TMEM182: variants seen among roughly 807,000 people sequenced by gnomAD.
The protein encoded by TMEM182 is transmembrane protein 182.
Under a neutral mutation model 26.8 loss-of-function variants are expected in TMEM182, and 20 were observed. That is an observed-to-expected ratio of 0.75 (90% CI 0.53 to 1.09). The LOEUF (loss-of-function observed/expected upper bound fraction) is 1.09, where lower values mean the gene tolerates loss of function less well. TMEM182 is among the 50% of genes least tolerant of loss of function. The probability of loss-of-function intolerance (pLI) is 0.00; values close to 1 mark genes in which losing one functional copy is unlikely to be tolerated. For missense variants in TMEM182, 277 were observed against 275.5 expected (o/e 1.01, Z -0.04); for synonymous variants, 109 against 102.2 (o/e 1.07, Z -0.40).
rs777062498 is a variant in TMEM182, at chr2:102,815,872, C to G, written c.*904C>G. 6 of 920,888 alleles carry G rather than the reference C, an allele frequency of 6.5e-6. No individual in the cohort carries two copies. The highest frequency in any genetic ancestry group is 7.8e-6 in the Non-Finnish European group (6 of 771,656). The allele number at this position is 920,888 out of a possible 1,614,324, so 57.0% of individuals were successfully genotyped here. The stretch of plus-strand genomic sequence containing the variant: ...GATTTTAATATTTTTTAGATATAAA[C>G]TTTCAACGTACTTCCATATGAGGAT... On this transcript the variant is annotated 3_prime_UTR_variant, in exon 5 of 5. Coordinates refer to ENST00000412401, the MANE Select transcript of TMEM182 (RefSeq NM_144632.5).
intron 1 of TMEM182, among the ~76,000 whole-genome samples, chr2:102,744,277 G>T (rs1679623796): frequency 6.6e-6 from 1 of 152,066 alleles, no homozygotes; most frequent in South Asian, 2.1e-4. Flanking sequence ...CAAATATCTG[G>T]ATATTAAACA....
At chr2:102,831,587 T>C (rs1449451587) in intron 3 of TMEM182, among the ~76,000 whole-genome samples, 1 of 151,930 alleles carries the variant, frequency 6.6e-6, no homozygotes, top group Non-Finnish European at 1.5e-5. Flanking sequence ...TGAAACCCAG[T>C]CTCTACTAAA....
upstream of TMEM182, among the ~76,000 whole-genome samples, chr2:102,758,936 C>T (rs150347439): frequency 1.3e-5 from 2 of 152,276 alleles, no homozygotes; most frequent in Non-Finnish European, 2.9e-5. Flanking sequence ...AGTGGTCTTT[C>T]ATGGCATTTA....
upstream of TMEM182, among the ~76,000 whole-genome samples, chr2:102,759,961 C>T (rs757840392): frequency 6.6e-6 from 1 of 152,176 alleles, no homozygotes; most frequent in Non-Finnish European, 1.5e-5. Flanking sequence ...AAGATTGGGA[C>T]CACTTGTGTA....
At chr2:102,831,974 G>A (rs1188131863) in intron 3 of TMEM182, among the ~76,000 whole-genome samples, 1 of 152,174 alleles carries the variant, frequency 6.6e-6, no homozygotes, top group Non-Finnish European at 1.5e-5. Flanking sequence ...TTATGTAAAG[G>A]TGAATTGTGT....
intron 4 of TMEM182, among the ~76,000 whole-genome samples, chr2:102,804,050 C>G (rs781274490): frequency 2.0e-5 from 3 of 152,372 alleles, no homozygotes; most frequent in African/African-American, 7.2e-5. Flanking sequence ...ACACTGTGGA[C>G]AAGCGCAGGG....
At chr2:102,843,298 T>A (rs1683388226) in intron 3 of TMEM182, 1 of 152,232 alleles carries the variant, frequency 6.6e-6, no homozygotes, top group Non-Finnish European at 1.5e-5. Flanking sequence ...GGGGATTTCA[T>A]CTGCTCATGA....
At chr2:102,751,200 G>A (rs564418377) in intron 1 of TMEM182, among the ~76,000 whole-genome samples, 8 of 152,264 alleles carry the variant, frequency 5.3e-5, no homozygotes, top group East Asian at 1.9e-4. Flanking sequence ...AGGGTTGCCC[G>A]AGTGGGTCTT....
chr2:102,749,152 A>G (rs1361330602), intron 1 of TMEM182, among the ~76,000 whole-genome samples: 1 of 152,186 alleles, frequency 6.6e-6, no homozygotes, highest in Non-Finnish European at 1.5e-5. Flanking sequence ...CCTATTTTCT[A>G]AAAAGTAGAA....
intron 3 of TMEM182, among the ~76,000 whole-genome samples, chr2:102,783,767 A>C (rs1052948124): frequency 1.8e-4 from 28 of 152,186 alleles, no homozygotes; most frequent in African/African-American, 6.3e-4. Flanking sequence ...ACTCTAGCCT[A>C]AGCAACATAG....
chr2:102,841,490 AGCCGAG>A (rs1290510232), intron 3 of TMEM182, among the ~76,000 whole-genome samples: 1 of 152,202 alleles, frequency 6.6e-6, no homozygotes, highest in Non-Finnish European at 1.5e-5. Flanking sequence ...TGCTTTGGCA[AGCCGAG>A]CCCCAGTAAA....
chr2:102,805,633 T>C (rs1682316298), intron 4 of TMEM182, among the ~76,000 whole-genome samples: 1 of 152,152 alleles, frequency 6.6e-6, no homozygotes, highest in Non-Finnish European at 1.5e-5. Flanking sequence ...GTGCTGTTCT[T>C]CTAAGAAGTA....
chr2:102,822,876 T>A (rs1682954131), intron 3 of TMEM182, among the ~76,000 whole-genome samples: 1 of 151,868 alleles, frequency 6.6e-6, no homozygotes, highest in Admixed American at 6.6e-5. Flanking sequence ...TACATTCAAT[T>A]TGACAAAAGA....
upstream of TMEM182, among the ~76,000 whole-genome samples, chr2:102,757,077 T>G (rs1681554693): frequency 6.6e-6 from 1 of 152,140 alleles, no homozygotes; most frequent in African/African-American, 2.4e-5. Flanking sequence ...CCCAAAGTGC[T>G]GGGATTACAG....
intron 3 of TMEM182, among the ~76,000 whole-genome samples, chr2:102,771,083 A>C (rs1298811107): frequency 6.6e-6 from 1 of 152,196 alleles, no homozygotes; most frequent in African/African-American, 2.4e-5. Context: ...GATTCTGGAC[A>C]TTGTCCTAAA....
At chr2:102,759,596 A>G (rs944950856), upstream of TMEM182, among the ~76,000 whole-genome samples, 1 of 152,172 alleles carries the variant, frequency 6.6e-6, no homozygotes, top group African/African-American at 2.4e-5. Flanking sequence ...TGCATTAATT[A>G]TAGAATAGCA....
chr2:102,773,657 G>A (rs1032807464), intron 3 of TMEM182, among the ~76,000 whole-genome samples: 2 of 152,000 alleles, frequency 1.3e-5, no homozygotes, highest in Admixed American at 1.3e-4. Context: ...AGATGAGAGG[G>A]GGAACTAATG....
At chr2:102,818,053 C>A (rs905554589), downstream of TMEM182, among the ~76,000 whole-genome samples, 42 of 152,080 alleles carry the variant, frequency 2.8e-4, no homozygotes, top group African/African-American at 9.9e-4. Context: ...GTAAAATTGG[C>A]TGGATATGTC....
chr2:102,742,422 GGTATCCTATACCAAAAGGGAAAGGT>G (rs1461325975), intron 1 of TMEM182, among the ~76,000 whole-genome samples: 119 of 152,176 alleles, frequency 7.8e-4, no homozygotes, highest in African/African-American at 2.8e-3. Context: ...GATACCATTT[GGTATCCTATACCAAAAGGGAAAGGT>G]GTAAGATACC....
Sources: gnomAD v4.1 joint callset for allele counts (sites outside exome capture counted in the v4.1 genomes callset) on GRCh38, gnomAD v4.1.1 for gene constraint, MANE v1.5 for transcripts, NCBI Gene and HGNC (gene_info 2026-07-23, HGNC 2026-07-21) for gene names.